RUFY3: variants seen among roughly 807,000 people sequenced by gnomAD.
RUFY3 encodes the protein protein RUFY3.
A neutral mutation model predicts 84.0 loss-of-function variants in RUFY3; 34 were observed. That is an observed-to-expected ratio of 0.40 (90% CI 0.31 to 0.54). The LOEUF (loss-of-function observed/expected upper bound fraction) is 0.54. Ranked by LOEUF, RUFY3 falls within the 20% of genes least tolerant of loss-of-function variation. RUFY3 has a pLI of 0.39. For synonymous variants in RUFY3, 242 were observed against 252.9 expected, an observed-to-expected ratio of 0.96 and a Z score of 0.41; for missense variants, 507 against 736.8, an observed-to-expected ratio of 0.69 and a Z score of 3.61.
At chr4:70,770,975 G>A (rs1160832200) in intron 5 of RUFY3, among the ~76,000 whole-genome samples, 2 of 152,144 alleles carry the variant, frequency 1.3e-5, no homozygotes, top group Non-Finnish European at 2.9e-5. Flanking sequence ...AGAAGGGAGA[G>A]AGATGGGGGA....
chr4:70,793,667 CTCTCTCTG>C, intron 12 of RUFY3, 110 bp from the exon 13 acceptor site: 2 of 1,558,738 alleles, frequency 1.3e-6, no homozygotes, highest in Non-Finnish European at 1.7e-6. Flanking sequence ...AGTTTTTTTC[CTCTCTCTG>C]TCTCTCTGTG....
intron 5 of RUFY3, among the ~76,000 whole-genome samples, chr4:70,770,228 A>G (rs1200606382): frequency 2.0e-5 from 3 of 152,224 alleles, no homozygotes; most frequent in Non-Finnish European, 2.9e-5. Context: ...TAGAGTCACC[A>G]GCTGTATTAG....
At chr4:70,759,016 C>T (rs553953273) in intron 1 of RUFY3, among the ~76,000 whole-genome samples, 90 of 151,254 alleles carry the variant, frequency 6.0e-4, no homozygotes, top group African/African-American at 2.1e-3. Context: ...CCAGCCTGGG[C>T]GACAGCAAGA....
chr4:70,718,509 C>T (rs59172484), upstream of RUFY3, among the ~76,000 whole-genome samples: 10,249 of 152,110 alleles, frequency 0.067, 920 homozygotes, highest in African/African-American at 0.21. Flanking sequence ...AACTCCCACC[C>T]GCCTCACAAC....
intron 10 of RUFY3, 25 bp downstream of exon 10, chr4:70,784,904 G>A (rs781268565): frequency 6.6e-7 from 1 of 1,513,824 alleles, no homozygotes; most frequent in South Asian, 1.2e-5. Flanking sequence ...ATTTCTAATA[G>A]TTCAGGAATA....
chr4:70,722,316 A>G lies in RUFY3; in HGVS notation c.-258A>G, dbSNP rs377053729. The G allele has an allele frequency of 1.1e-5, 14 of 1,235,182 alleles. 1 individual carries two copies. Among genetic ancestry groups the G allele is most frequent in the East Asian group, 9.4e-5 (3 of 31,992 alleles). The allele number at this position is 1,235,182 out of a possible 1,614,324, so 76.5% of individuals were successfully genotyped here. The stretch of plus-strand genomic sequence containing the variant: ...AAGGAGAGGAAGCTGGGAGAAGACA[A>G]GCATCATCTTATTTTGCTATGTGGT... On this transcript the variant is annotated 5_prime_UTR_variant, in exon 1 of 18. Transcript: ENST00000381006.
intron 14 of RUFY3, among the ~76,000 whole-genome samples, chr4:70,798,303 A>G (rs981154095): frequency 3.5e-4 from 54 of 152,264 alleles, no homozygotes; most frequent in African/African-American, 1.3e-3. Context: ...CAGGAGGTTG[A>G]GGCTGCAGTG....
intron 10 of RUFY3, among the ~76,000 whole-genome samples, chr4:70,785,831 G>A (rs574770805): frequency 5.6e-4 from 85 of 152,160 alleles, no homozygotes; most frequent in Non-Finnish European, 8.5e-4. Flanking sequence ...GCCAGACTCC[G>A]TCTCAAAAAA....
intron 8 of RUFY3, among the ~76,000 whole-genome samples, chr4:70,779,037 G>A (rs1728461845): frequency 6.6e-6 from 1 of 152,206 alleles, no homozygotes; most frequent in Admixed American, 6.5e-5. Context: ...TAAATGTTTA[G>A]CATATAGCAT....
chr4:70,744,786 C>A (rs1252324072), intron 1 of RUFY3, among the ~76,000 whole-genome samples: 1 of 151,580 alleles, frequency 6.6e-6, no homozygotes, highest in Non-Finnish European at 1.5e-5. Context: ...TCCTGAGTAG[C>A]TGGGACTACA....
At chr4:70,791,116 C>G (rs868494644) in intron 12 of RUFY3, 1 of 843,142 alleles carries the variant, frequency 1.2e-6, no homozygotes, top group Middle Eastern at 3.4e-4. Context: ...AGAATAATGA[C>G]TTATCTCTTT....
At chr4:70,714,340 G>GA (rs1201553089) in intron 1 of RUFY3, among the ~76,000 whole-genome samples, 2 of 152,128 alleles carry the variant, frequency 1.3e-5, no homozygotes, top group African/African-American at 2.4e-5. Context: ...CAATCTGATA[G>GA]AAAAAATGGT....
intron 1 of RUFY3, among the ~76,000 whole-genome samples, chr4:70,725,453 C>T (rs979255932): frequency 1.1e-4 from 16 of 151,992 alleles, no homozygotes; most frequent in African/African-American, 3.4e-4. Flanking sequence ...GCCTCAGCCT[C>T]CCAAATAGCT....
intron 10 of RUFY3, among the ~76,000 whole-genome samples, chr4:70,787,261 T>G (rs1219698775): frequency 1.5e-5 from 2 of 130,286 alleles, no homozygotes; most frequent in Admixed American, 7.7e-5. Context: ...TATTTATTTG[T>G]TTTTTTTTTT....
chr4:70,794,779 C>T lies in RUFY3; in HGVS notation c.1458-16C>T, dbSNP rs1731301976. The T allele has an allele frequency of 1.3e-6, 2 of 1,565,830 alleles. No homozygotes were observed. Among genetic ancestry groups the T allele is most frequent in the South Asian group, 1.1e-5 (1 of 89,418 alleles). On this transcript the variant is annotated splice_polypyrimidine_tract_variant and intron_variant, in intron 13 of 17. Coordinates refer to ENST00000381006, the MANE Select transcript of RUFY3 (RefSeq NM_001037442.4). ...AATTCCAATTTTTCATCCTTTTCCTCTCCAACTTACCTCAGGAACCAGCTT... is the reference window on the plus strand; with the variant it reads ...AATTCCAATTTTTCATCCTTTTCCTTTCCAACTTACCTCAGGAACCAGCTT...
At chr4:70,705,567 C>T (rs1346459441) in intron 1 of RUFY3, among the ~76,000 whole-genome samples, 1 of 152,168 alleles carries the variant, frequency 6.6e-6, no homozygotes, top group Non-Finnish European at 1.5e-5. Flanking sequence ...CCGTCTTGGG[C>T]TGGGCGCTGG....
chr4:70,772,733 T>G (rs1727176787), intron 5 of RUFY3, among the ~76,000 whole-genome samples: 1 of 152,148 alleles, frequency 6.6e-6, no homozygotes, highest in Non-Finnish European at 1.5e-5. Flanking sequence ...AGATCCTGGC[T>G]TACCGCAACC....
intron 8 of RUFY3, among the ~76,000 whole-genome samples, chr4:70,779,675 C>T (rs940588340): frequency 3.3e-5 from 5 of 151,638 alleles, no homozygotes; most frequent in East Asian, 1.9e-4. Flanking sequence ...CCCCGCCCCC[C>T]GGGCTCAAGT....
At chr4:70,741,621 G>C (rs1217953178) in intron 1 of RUFY3, 2 of 1,518,920 alleles carry the variant, frequency 1.3e-6, no homozygotes, top group South Asian at 2.5e-5. Context: ...TTTGCCGTTT[G>C]CAAAGACTCT....
Sources: allele counts gnomAD v4.1 joint callset (sites outside exome capture counted in the v4.1 genomes callset), GRCh38; gene constraint gnomAD v4.1.1; transcripts MANE v1.5; gene names NCBI Gene and HGNC (gene_info 2026-07-23, HGNC 2026-07-21).